ATRX: variants seen among roughly 807,000 people sequenced by gnomAD.
ATRX encodes the protein chromatin remodeler ATRX.
ATRX carries 12 observed loss-of-function variants against 172.6 expected under a neutral mutation model. The observed-to-expected ratio is 0.07, with a 90% CI of 0.04 to 0.11. The LOEUF (loss-of-function observed/expected upper bound fraction) is 0.11. ATRX is among the 10% of genes least tolerant of loss of function. The probability of loss-of-function intolerance (pLI) is 1.00; values close to 1 mark genes in which losing one functional copy is unlikely to be tolerated. For missense variants in ATRX, 1,368 were observed against 1,767.4 expected (o/e 0.77, Z 4.05); for synonymous variants, 674 against 594.7 (o/e 1.13, Z -1.94).
chrX:77,676,426 T>C lies in ATRX; in HGVS notation c.3737-128A>G. On this transcript the variant is annotated intron_variant, in intron 9 of 34. Transcript: ENST00000373344. ...GGGGTCTAAACTCTGGACTCCAAAATATGAGTAAAAAGCATTCTTATAGAA... is the reference window on the plus strand; with the variant it reads ...GGGGTCTAAACTCTGGACTCCAAAACATGAGTAAAAAGCATTCTTATAGAA... 3.1e-5 allele frequency: 15 copies of C among 484,600 alleles called. No individual in the cohort carries two copies. The South Asian group carries it at 4.2e-4, about 14-fold the overall frequency. The allele number at this position is 484,600 out of a possible 1,213,427, so 39.9% of individuals were successfully genotyped here. A position where few individuals can be genotyped will look rare whatever the true frequency, so the allele number is the denominator to read the frequency against.
At chrX:77,756,097 G>A (rs1198791506) in intron 1 of ATRX, among the ~76,000 whole-genome samples, 3 of 111,819 alleles carry the variant, frequency 2.7e-5, no homozygotes, top group African/African-American at 9.7e-5. Flanking sequence ...ACTTTGCCAC[G>A]CTGTGGTGAG....
At chrX:77,544,304 G>C (rs2064142144) in intron 30 of ATRX, among the ~76,000 whole-genome samples, 1 of 111,651 alleles carries the variant, frequency 9.0e-6, no homozygotes, top group Admixed American at 9.5e-5. Flanking sequence ...TGCAACAAGA[G>C]AGACAGAAAA....
intron 30 of ATRX, among the ~76,000 whole-genome samples, chrX:77,540,436 A>G (rs1282952747): frequency 6.3e-5 from 7 of 111,602 alleles, no homozygotes; most frequent in Non-Finnish European, 1.3e-4. Flanking sequence ...GATATTCAGG[A>G]CTTGAACTCA....
At chrX:77,763,407 A>G (rs2075791656) in intron 1 of ATRX, among the ~76,000 whole-genome samples, 1 of 104,433 alleles carries the variant, frequency 9.6e-6, no homozygotes, top group Admixed American at 1.1e-4. Flanking sequence ...GGCCTCCCAA[A>G]GTGCTGGATT....
At position 77,522,363 on chromosome X, in the gene ATRX, G is replaced by A. The variant is rs2147751020; in HGVS notation, c.6875C>T (p.Pro2292Leu). The A allele has an allele frequency of 1.7e-6, 2 of 1,210,056 alleles. No homozygotes were observed. The highest frequency in any genetic ancestry group is 2.2e-6 in the Non-Finnish European group (2 of 894,354). ...KKGLTMRFNI[P>L]TGTNLPPVSF... The stretch of plus-strand genomic sequence containing the variant: ...GACAGGGGGTAAATTGGTCCCAGTT[G>A]GTATGTTGAAACGCATGGTCAGTCC... Residue 2292 changes from proline (P) to leucine (L), a missense_variant, in exon 32 of 35, where the codon CCA becomes CTA. This residue lies in a region of ATRX where 100 missense variants were observed against 153.9 expected (regional missense o/e 0.65). Transcript: ENST00000373344.
At chrX:77,635,391 A>G (rs1227632712) in intron 16 of ATRX, among the ~76,000 whole-genome samples, 1 of 112,034 alleles carries the variant, frequency 8.9e-6, no homozygotes, top group Non-Finnish European at 1.9e-5. Flanking sequence ...TCAGGAAAAA[A>G]AAACCCATGA....
At chrX:77,627,632 A>G (rs1437649651) in intron 19 of ATRX, among the ~76,000 whole-genome samples, 1 of 107,647 alleles carries the variant, frequency 9.3e-6, no homozygotes, top group Admixed American at 1.0e-4. Flanking sequence ...TCATCTCCAA[A>G]TAATTATCTA....
chrX:77,592,215 C>T (rs1248365782), intron 26 of ATRX, among the ~76,000 whole-genome samples: 1 of 108,996 alleles, frequency 9.2e-6, no homozygotes, highest in Non-Finnish European at 1.9e-5. Context: ...AGTTCAAGAC[C>T]AGCTAGGCCA....
chrX:77,742,960 G>C (rs1316306751), intron 1 of ATRX, among the ~76,000 whole-genome samples: 2 of 111,261 alleles, frequency 1.8e-5, no homozygotes, highest in Non-Finnish European at 3.8e-5. Context: ...TGAGCAGTAC[G>C]GGGAAGCAAC....
chrX:77,651,421 T>TA (rs1603080766), intron 15 of ATRX, among the ~76,000 whole-genome samples: 1 of 111,228 alleles, frequency 9.0e-6, no homozygotes, highest in African/African-American at 3.3e-5. Flanking sequence ...AACATTTCTC[T>TA]ACCCAAAATA....
chrX:77,553,665 T>C (rs1250809148), intron 30 of ATRX, among the ~76,000 whole-genome samples: 4 of 111,864 alleles, frequency 3.6e-5, no homozygotes, highest in African/African-American at 1.3e-4. Context: ...CTTCTTTTTT[T>C]CTATTCCCCA....
intron 2 of ATRX, among the ~76,000 whole-genome samples, chrX:77,712,478 T>C (rs1181250693): frequency 2.7e-5 from 3 of 112,182 alleles, no homozygotes; most frequent in Non-Finnish European, 5.6e-5. Context: ...GATGATATGG[T>C]TAACAACTCT....
At chrX:77,778,936 T>C (rs1281727199) in intron 1 of ATRX, among the ~76,000 whole-genome samples, 1 of 108,268 alleles carries the variant, frequency 9.2e-6, no homozygotes, top group African/African-American at 3.4e-5. Flanking sequence ...CTCTCTTTTT[T>C]CTTTTTTTTG....
intron 19 of ATRX, among the ~76,000 whole-genome samples, chrX:77,625,069 G>A (rs2067772257): frequency 8.9e-6 from 1 of 112,035 alleles, no homozygotes; most frequent in African/African-American, 3.3e-5. Flanking sequence ...GAACAGAATA[G>A]AGGACTCAGA....
intron 30 of ATRX, among the ~76,000 whole-genome samples, chrX:77,530,609 AAAAC>A (rs201863728): frequency 6.8e-4 from 57 of 83,623 alleles, no homozygotes; most frequent in South Asian, 3.6e-3. Context: ...ACTCCGTCTC[AAAAC>A]AAACAAACAA....
At chrX:77,562,071 T>C (rs2065038670) in intron 28 of ATRX, among the ~76,000 whole-genome samples, 1 of 112,238 alleles carries the variant, frequency 8.9e-6, no homozygotes, top group African/African-American at 3.2e-5. Context: ...ATCAGTTCTC[T>C]ATCATTATAC....
chrX:77,524,291 A>T (rs1353446698), intron 30 of ATRX, among the ~76,000 whole-genome samples: 1 of 112,259 alleles, frequency 8.9e-6, no homozygotes, highest in Non-Finnish European at 1.9e-5. Flanking sequence ...ACTTTACAGA[A>T]GGATTTTCCA....
rs782329596 is a variant in ATRX, at chrX:77,678,492, C to T, written c.3737-2194G>A. Among the ~76,000 whole-genome samples the T allele has an allele frequency of 5.4e-5, 6 of 111,715 alleles. No homozygotes were observed. In the South Asian group the frequency reaches 2.2e-3, roughly 41 times the overall value. On this transcript the variant is annotated intron_variant, in intron 9 of 34. Transcript: ENST00000373344. The stretch of plus-strand genomic sequence containing the variant: ...CCATTATAGTTTGTTGTGTTTGTTG[C>T]TGTTTCTGTTTTGAGACGGAGTCTC...
chrX:77,713,879 T>C (rs1557163103), intron 2 of ATRX, among the ~76,000 whole-genome samples: 1 of 111,729 alleles, frequency 9.0e-6, no homozygotes, highest in East Asian at 2.8e-4. Flanking sequence ...TGATGACATA[T>C]CACTCCCATA....
Sources: gnomAD v4.1 joint callset for allele counts (sites outside exome capture counted in the v4.1 genomes callset) on GRCh38, gnomAD v4.1.1 for gene constraint, gnomAD v4.1.1 regional missense constraint, MANE v1.5 for transcripts, NCBI Gene and HGNC (gene_info 2026-07-23, HGNC 2026-07-21) for gene names.